Variants in TRIP12 observed in about 807,000 individuals in gnomAD.
TRIP12 encodes the protein E3 ubiquitin-protein ligase TRIP12.
TRIP12 carries 25 observed loss-of-function variants against 244.2 expected under a neutral mutation model. That is an observed-to-expected ratio of 0.10 (90% confidence interval 0.07 to 0.14). TRIP12 has a LOEUF of 0.14. Ranked by LOEUF, TRIP12 falls within the 10% of genes least tolerant of loss-of-function variation. The probability of loss-of-function intolerance (pLI) is 1.00; values close to 1 mark genes in which losing one functional copy is unlikely to be tolerated. For synonymous variants in TRIP12, 905 were observed against 873.1 expected, an observed-to-expected ratio of 1.04 and a Z score of -0.64; for missense variants, 1,677 against 2,486.4, an observed-to-expected ratio of 0.67 and a Z score of 6.92.
At chr2:229,781,703 CTG>C (rs2038223765) in intron 34 of TRIP12, among the ~76,000 whole-genome samples, 1 of 152,188 alleles carries the variant, frequency 6.6e-6, no homozygotes, top group African/African-American at 2.4e-5. Context: ...ACACTGTGAC[CTG>C]ACATTTTCAC....
chr2:229,851,544 C>A (rs957050447), intron 4 of TRIP12, among the ~76,000 whole-genome samples: 3 of 152,162 alleles, frequency 2.0e-5, no homozygotes, highest in African/African-American at 2.4e-5. Flanking sequence ...AGTGGCAACC[C>A]GCTCGGGTCC....
intron 8 of TRIP12, among the ~76,000 whole-genome samples, chr2:229,826,061 A>AT (rs1304933226): frequency 6.6e-6 from 1 of 152,244 alleles, no homozygotes; most frequent in Non-Finnish European, 1.5e-5. Context: ...ATTAACCAGT[A>AT]AAGAGTGAAA....
chr2:229,905,430 A>G (rs1240108445), intron 1 of TRIP12, among the ~76,000 whole-genome samples: 1 of 152,228 alleles, frequency 6.6e-6, no homozygotes, highest in Non-Finnish European at 1.5e-5. Context: ...CGTTATACAC[A>G]ATAATGAATA....
chr2:229,793,252 TAGTACTAAGCA>T, intron 26 of TRIP12, 107 bp from the exon 27 acceptor site: 1 of 1,114,990 alleles, frequency 9.0e-7, no homozygotes, highest in South Asian at 1.8e-5. Flanking sequence ...TAAGACACAC[TAGTACTAAGCA>T]TTTACTTACC....
intron 1 of TRIP12, among the ~76,000 whole-genome samples, chr2:229,893,436 C>T (rs548721392): frequency 2.6e-5 from 4 of 152,114 alleles, no homozygotes; most frequent in South Asian, 2.1e-4. Context: ...ACTTTCCTCA[C>T]GCTCCTCCCC....
intron 31 of TRIP12, 123 bp from the exon 32 acceptor site, chr2:229,789,063 A>G (rs1387857288): frequency 1.2e-6 from 1 of 849,306 alleles, no homozygotes; most frequent in Admixed American, 2.8e-5. Flanking sequence ...GGTTTCCAAC[A>G]TACAACACAC....
At chr2:229,830,167 TA>T (rs2052953772) in intron 7 of TRIP12, among the ~76,000 whole-genome samples, 1 of 152,148 alleles carries the variant, frequency 6.6e-6, no homozygotes, top group South Asian at 2.1e-4. Flanking sequence ...TTTGTAACAT[TA>T]AAAAAACCCT....
intron 5 of TRIP12, among the ~76,000 whole-genome samples, chr2:229,837,748 C>T (rs920673312): frequency 6.6e-6 from 1 of 152,092 alleles, no homozygotes; most frequent in African/African-American, 2.4e-5. Flanking sequence ...AATAACTATC[C>T]TAATAATGAA....
chr2:229,839,301 GTTTGT>G (rs923869446), intron 5 of TRIP12, among the ~76,000 whole-genome samples: 80 of 152,260 alleles, frequency 5.3e-4, no homozygotes, highest in African/African-American at 1.9e-3. Context: ...TACTATCTAG[GTTTGT>G]TTTAAGTGTT....
At chr2:229,798,479 AG>A (rs1026146596) in intron 23 of TRIP12, among the ~76,000 whole-genome samples, 5 of 151,162 alleles carry the variant, frequency 3.3e-5, no homozygotes, top group African/African-American at 1.2e-4. Flanking sequence ...AAAAAAAAAA[AG>A]GCTCTCCCCT....
chr2:229,922,671 G>A, upstream of TRIP12: 1 of 1,559,246 alleles, frequency 6.4e-7, no homozygotes, highest in Non-Finnish European at 8.8e-7. Flanking sequence ...TTGGGGCCCG[G>A]GACGCAGGCT....
intron 41 of TRIP12, 86 bp from the exon 42 acceptor site, chr2:229,767,836 A>G: frequency 3.9e-6 from 5 of 1,284,800 alleles, no homozygotes; most frequent in Admixed American, 2.5e-5. Flanking sequence ...TTGCCGTACA[A>G]TATTACACAC....
chr2:229,878,319 G>A (rs1350078282), intron 2 of TRIP12, among the ~76,000 whole-genome samples: 1 of 151,842 alleles, frequency 6.6e-6, no homozygotes, highest in Non-Finnish European at 1.5e-5. Flanking sequence ...GTGTGATGAT[G>A]CGTGCCTGAA....
At position 229,846,847 on chromosome 2, in the gene TRIP12, G is replaced by T. The variant is rs570328691; in HGVS notation, c.1028-5920C>A. On this transcript the variant is annotated intron_variant, in intron 4 of 41. Transcript: ENST00000675903. ...TGCACAGCATTTCATGCACTGATTT[G>T]TCAATATGAATTACAAATATTGGAA... is the stretch of plus-strand genomic sequence containing the variant. 2.0e-5 allele frequency among the ~76,000 whole-genome samples: 3 copies of T among 152,202 alleles called. No individual in the cohort carries two copies. The South Asian group carries it at 6.2e-4, about 32-fold the overall frequency.
intron 27 of TRIP12, 87 bp from the exon 28 acceptor site, chr2:229,792,313 C>T: frequency 8.0e-7 from 1 of 1,256,390 alleles, no homozygotes; most frequent in Non-Finnish European, 1.1e-6. Flanking sequence ...TAAACATATT[C>T]TTAGAAAACA....
intron 2 of TRIP12, among the ~76,000 whole-genome samples, chr2:229,862,662 A>C (rs1396710528): frequency 6.6e-6 from 1 of 152,238 alleles, no homozygotes; most frequent in Non-Finnish European, 1.5e-5. Flanking sequence ...ATTATGATTC[A>C]TTCCATTTGT....
rs756447765 is a variant in TRIP12, at chr2:229,789,593, A to G, written c.4695+18T>C. ...ATCACAGACCATGAAAACTTCATAA[A>G]TAGGCAACATTACTCACATCATACA... On this transcript the variant is annotated intron_variant, in intron 31 of 41. Coordinates refer to ENST00000675903, the MANE Select transcript of TRIP12 (RefSeq NM_001348323.3). 1 of 1,605,630 alleles carries G rather than the reference A, an allele frequency of 6.2e-7. No individual in the cohort carries two copies. Among genetic ancestry groups the G allele is most frequent in the Non-Finnish European group, 8.5e-7 (1 of 1,175,524 alleles).
chr2:229,906,049 A>G (rs1009829809), intron 1 of TRIP12, among the ~76,000 whole-genome samples: 1 of 152,204 alleles, frequency 6.6e-6, no homozygotes, highest in Admixed American at 6.5e-5. Flanking sequence ...TCACGCCTGT[A>G]ATCCCAACAC....
chr2:229,905,350 T>C (rs2072432584), intron 1 of TRIP12, among the ~76,000 whole-genome samples: 1 of 151,462 alleles, frequency 6.6e-6, no homozygotes, highest in Non-Finnish European at 1.5e-5. Flanking sequence ...CATTACTAAG[T>C]TATAGCAGGC....
Sources: gnomAD v4.1 joint callset for allele counts (sites outside exome capture counted in the v4.1 genomes callset) on GRCh38, gnomAD v4.1.1 for gene constraint, MANE v1.5 for transcripts, NCBI Gene and HGNC (gene_info 2026-07-23, HGNC 2026-07-21) for gene names.